The following RAB11FIP3 variants were observed in gnomAD, a reference collection of about 807,000 sequenced individuals.
RAB11FIP3 encodes the protein rab11 family-interacting protein 3.
RAB11FIP3 carries 17 observed loss-of-function variants against 77.8 expected under a neutral mutation model. That is an observed-to-expected ratio of 0.22 (90% CI 0.15 to 0.33). The LOEUF is 0.33. Among genes scored for constraint, RAB11FIP3 ranks in the 10% least tolerant of loss-of-function variants. The pLI, the probability that RAB11FIP3 is intolerant of heterozygous loss-of-function variation, is 1.00. For missense variants in RAB11FIP3, 1,005 were observed against 1,011.2 expected, an observed-to-expected ratio of 0.99 and a Z score of 0.08; for synonymous variants, 437 against 448.2, an observed-to-expected ratio of 0.98 and a Z score of 0.31.
At chr16:515,171 C>T (rs1242313914) in intron 9 of RAB11FIP3, among the ~76,000 whole-genome samples, 2 of 152,208 alleles carry the variant, frequency 1.3e-5, no homozygotes, top group African/African-American at 4.8e-5. Context: ...AGCTGTGCGG[C>T]TCTTTATTTT....
At chr16:502,784 G>A (rs971559993) in intron 6 of RAB11FIP3, 2 of 572,406 alleles carry the variant, frequency 3.5e-6, no homozygotes, top group African/African-American at 1.9e-5. Context: ...CACAGAGCAC[G>A]GCCTGCTTTC....
chr16:512,624 A>G (rs1358096927), intron 9 of RAB11FIP3, among the ~76,000 whole-genome samples: 1 of 145,786 alleles, frequency 6.9e-6, no homozygotes, highest in East Asian at 2.0e-4. Flanking sequence ...GCTCACCACA[A>G]CCTCTGTCTC....
intron 6 of RAB11FIP3, chr16:497,166 T>G: frequency 3.6e-6 from 3 of 833,282 alleles, no homozygotes; most frequent in Non-Finnish European, 5.2e-6. Flanking sequence ...ATGTTAGCTC[T>G]GAGGTAGCGA....
At chr16:513,922 A>G (rs10153083) in intron 9 of RAB11FIP3, among the ~76,000 whole-genome samples, 5,970 of 152,264 alleles carry the variant, frequency 0.039, 447 homozygotes, top group East Asian at 0.35. Flanking sequence ...GCTCAAAATT[A>G]AAGTACGTTT....
chr16:505,795 G>C lies in RAB11FIP3; in HGVS notation c.1499+168G>C, dbSNP rs112656931. Among the ~76,000 whole-genome samples the C allele has an allele frequency of 1.3e-5, 2 of 152,186 alleles. No individual in the cohort carries two copies. The highest frequency in any genetic ancestry group is 4.8e-5 in the African/African-American group (2 of 41,424). Reference sequence around the variant, plus strand: ...CCAGGTGGTCATCTGAGCCTACCCAGTGGGCTGCAGGCAGGCGACCCGAGG... The same window carrying C: ...CCAGGTGGTCATCTGAGCCTACCCACTGGGCTGCAGGCAGGCGACCCGAGG... On this transcript the variant is annotated intron_variant, in intron 8 of 13. Transcript: ENST00000262305. This position sits in a 1 kb window ranked among gnomAD's most constrained non-coding sequence, Gnocchi z 4.0.
intron 1 of RAB11FIP3, among the ~76,000 whole-genome samples, chr16:443,056 A>G (rs748934435): frequency 4.6e-5 from 7 of 152,192 alleles, no homozygotes; most frequent in Non-Finnish European, 8.8e-5. Flanking sequence ...GGAGAGAAGA[A>G]GCCATGAAGA....
intron 5 of RAB11FIP3, among the ~76,000 whole-genome samples, chr16:495,633 G>A (rs2031058884): frequency 1.3e-5 from 2 of 152,192 alleles, no homozygotes; most frequent in Non-Finnish European, 1.5e-5. Context: ...GCAGCATTGT[G>A]GAGGAAGAGC....
chr16:436,808 C>G (rs2055137761), intron 1 of RAB11FIP3, among the ~76,000 whole-genome samples: 1 of 152,078 alleles, frequency 6.6e-6, no homozygotes, highest in South Asian at 2.1e-4. Context: ...CTCACTGTTA[C>G]CCGGATGAAC....
At chr16:499,399 C>T (rs962098597) in intron 6 of RAB11FIP3, among the ~76,000 whole-genome samples, 38 of 152,210 alleles carry the variant, frequency 2.5e-4, no homozygotes, top group African/African-American at 8.7e-4. Context: ...TGAGGCCTCC[C>T]GTGCCTAGGA....
In RAB11FIP3 at chr16:426,826, T is replaced by C; in HGVS notation, c.714+106T>C. The C allele has an allele frequency of 1.2e-6, 1 of 860,248 alleles. No individual in the cohort carries two copies. Among genetic ancestry groups the C allele is most frequent in the Non-Finnish European group, 1.7e-6 (1 of 591,802 alleles). 53.3% of individuals were successfully genotyped at this position (860,248 alleles called of 1,614,324 possible). ...CTGCCCCTGGAGTCGGGAAAGGCAC[T>C]GTCAAGACCTGACGGTCCTGCTTTT... On this transcript the variant is annotated intron_variant, in intron 1 of 13. Coordinates refer to ENST00000262305, the MANE Select transcript of RAB11FIP3 (RefSeq NM_014700.4). This position sits in a 1 kb window ranked among gnomAD's most constrained non-coding sequence, Gnocchi z 5.0.
chr16:478,195 CT>C (rs570923279), intron 3 of RAB11FIP3, among the ~76,000 whole-genome samples: 12,138 of 140,048 alleles, frequency 0.087, 1,634 homozygotes, highest in African/African-American at 0.29. Flanking sequence ...CTGTCTACTT[CT>C]TTTTTTTTTT....
intron 5 of RAB11FIP3, among the ~76,000 whole-genome samples, chr16:496,530 G>A (rs985967932): frequency 2.6e-5 from 4 of 152,232 alleles, no homozygotes; most frequent in African/African-American, 7.2e-5. Context: ...TGCAGCCAGC[G>A]GGTGGGACCA....
Position 471,311 on chromosome 16 carries a change from C to G in RAB11FIP3, c.825C>G (p.Cys275Trp), listed in dbSNP as rs371950014. 1.0e-4 allele frequency: 162 copies of G among 1,613,818 alleles called. No individual in the cohort carries two copies. Among genetic ancestry groups the G allele is most frequent in the Non-Finnish European group, 1.3e-4 (156 of 1,179,876 alleles). ...AIRNGDPDGQ[C>W]YGGVASAQDE... is the part of the protein sequence containing the mutation. The stretch of plus-strand genomic sequence containing the variant: ...TCCCTGCAGATCCTGATGGCCAGTG[C>G]TACGGTGGTGTCGCTTCTGCCCAAG... The change falls in exon 3 of 14, where the codon TGC becomes TGG. Residue 275 changes from cysteine (C) to tryptophan (W), a missense_variant. By Grantham distance (215) the Cys-to-Trp change is radical. Transcript: ENST00000262305. This position sits in a 1 kb window ranked among gnomAD's most constrained non-coding sequence, Gnocchi z 4.4.
At chr16:495,215 A>C (rs762181066) in intron 5 of RAB11FIP3, among the ~76,000 whole-genome samples, 1 of 152,236 alleles carries the variant, frequency 6.6e-6, no homozygotes, top group Non-Finnish European at 1.5e-5. Flanking sequence ...TGGGATGAGT[A>C]AAAAGAACTC....
chr16:460,040 G>A (rs1226512847), intron 1 of RAB11FIP3, among the ~76,000 whole-genome samples: 2 of 151,984 alleles, frequency 1.3e-5, no homozygotes, highest in Non-Finnish European at 2.9e-5. Context: ...ACCACGCCTG[G>A]CTGATTTTGT....
intron 4 of RAB11FIP3, among the ~76,000 whole-genome samples, chr16:484,652 C>T (rs1034894752): frequency 2.0e-5 from 3 of 152,164 alleles, no homozygotes; most frequent in Admixed American, 6.5e-5. Flanking sequence ...CGCGTCTGGC[C>T]GTATTCAGCC....
chr16:466,378 G>A lies in RAB11FIP3; in HGVS notation c.808+4881G>A, dbSNP rs548762454. Among the ~76,000 whole-genome samples, 68 of 152,326 alleles carry A rather than the reference G, an allele frequency of 4.5e-4. No individual in the cohort carries two copies. In the South Asian group the frequency reaches 9.5e-3, roughly 21 times the overall value. ...AGCCACCTGGGTCCACGATTCTGTC[G>A]TCAGGGTAGGGGTTGGTTTGTTCCT... On this transcript the variant is annotated intron_variant, in intron 2 of 13. Coordinates refer to ENST00000262305, the MANE Select transcript of RAB11FIP3 (RefSeq NM_014700.4).
rs2030381714 is a variant in RAB11FIP3, at chr16:492,363, T to TCCAGAGCCCCC, written c.1265+3365_1265+3366insAGAGCCCCCCC. Among the ~76,000 whole-genome samples the TCCAGAGCCCCC allele has an allele frequency of 2.6e-5, 2 of 76,164 alleles. 1 individual carries two copies. The highest frequency in any genetic ancestry group is 9.5e-5 in the African/African-American group (2 of 20,978). 50.0% of individuals were successfully genotyped at this position (76,164 alleles called of 152,430 possible). A position where few individuals can be genotyped will look rare whatever the true frequency, so the allele number is the denominator to read the frequency against. ...CAGAAGTGCTCTTTGAAGAGGGTCT[T>TCCAGAGCCCCC]CCCGGGAGACCCGAGGCCGCCCAGA... On this transcript the variant is annotated intron_variant, in intron 5 of 13. Transcript: ENST00000262305.
In RAB11FIP3 at chr16:425,736, C is replaced by T. The variant is rs1463137498; in HGVS notation, c.-271C>T. The T allele has an allele frequency of 3.7e-5, 12 of 327,500 alleles. No homozygotes were observed. The allele number at this position is 327,500 out of a possible 1,614,324, so 20.3% of individuals were successfully genotyped here. On this transcript the variant is annotated 5_prime_UTR_variant, in exon 1 of 14. Transcript: ENST00000262305. ...GTCCCCCGGCCTCCTCGGCCCCCGT[C>T]CCCCGCCATCCGCCGCCCGGATCCT...
Sources: gnomAD v4.1 joint callset for allele counts (sites outside exome capture counted in the v4.1 genomes callset) on GRCh38, gnomAD v4.1.1 for gene constraint, Gnocchi (gnomAD v3.1) non-coding constraint, MANE v1.5 for transcripts, NCBI Gene and HGNC (gene_info 2026-07-23, HGNC 2026-07-21) for gene names.